CCDC171: variants seen among roughly 807,000 people sequenced by gnomAD.
CCDC171 encodes the protein coiled-coil domain containing 171, also known as coiled-coil domain-containing protein 171.
CCDC171 carries 177 observed loss-of-function variants against 168.2 expected under a neutral mutation model. That is an observed-to-expected ratio of 1.05 (90% confidence interval 0.93 to 1.19). The LOEUF (loss-of-function observed/expected upper bound fraction) is 1.19, where lower values mean the gene tolerates loss of function less well. CCDC171 is among the 50% of genes most tolerant of loss of function. The pLI is 0.00. For synonymous variants in CCDC171, 687 were observed against 540.8 expected (o/e 1.27, Z -3.75); for missense variants, 1,991 against 1,539.0 (o/e 1.29, Z -4.91).
At chr9:15,624,630 A>G (rs2044883462) in intron 7 of CCDC171, among the ~76,000 whole-genome samples, 1 of 152,178 alleles carries the variant, frequency 6.6e-6, no homozygotes, top group Non-Finnish European at 1.5e-5. Flanking sequence ...TGTCCCTACA[A>G]GGGACATAAA....
chr9:15,940,218 T>A (rs926024496), intron 25 of CCDC171, among the ~76,000 whole-genome samples: 1 of 151,994 alleles, frequency 6.6e-6, no homozygotes, highest in African/African-American at 2.4e-5. Context: ...TATTTTGTAT[T>A]TGACCTTTAT....
intron 21 of CCDC171, among the ~76,000 whole-genome samples, chr9:15,793,674 C>T (rs1461781801): frequency 6.7e-6 from 1 of 149,114 alleles, no homozygotes; most frequent in African/African-American, 2.5e-5. Flanking sequence ...CTCAGCGTCC[C>T]AGGTAGCTTG....
intron 23 of CCDC171, among the ~76,000 whole-genome samples, chr9:15,871,016 C>T (rs1227786866): frequency 6.6e-6 from 1 of 150,932 alleles, no homozygotes; most frequent in Non-Finnish European, 1.5e-5. Context: ...TTATTTTCTT[C>T]TCCTGTTTTT....
chr9:16,013,418 G>A (rs1482001238), intron 3 of CCDC171, among the ~76,000 whole-genome samples: 2 of 152,038 alleles, frequency 1.3e-5, no homozygotes, highest in Admixed American at 6.6e-5. Context: ...TTCTTTCCTG[G>A]ATCTCTTCTA....
At chr9:15,592,445 T>G (rs1333331441) in intron 5 of CCDC171, among the ~76,000 whole-genome samples, 1 of 152,200 alleles carries the variant, frequency 6.6e-6, no homozygotes, top group East Asian at 1.9e-4. Flanking sequence ...GAAATGTGTC[T>G]TTACTAAAAT....
At chr9:16,016,640 C>T (rs1178022489) in intron 3 of CCDC171, among the ~76,000 whole-genome samples, 1 of 152,154 alleles carries the variant, frequency 6.6e-6, no homozygotes, top group African/African-American at 2.4e-5. Flanking sequence ...TCCTTCATTA[C>T]ATTAAGAAGC....
At chr9:15,864,338 CT>C (rs1202153633) in intron 23 of CCDC171, among the ~76,000 whole-genome samples, 2 of 151,926 alleles carry the variant, frequency 1.3e-5, no homozygotes, top group Non-Finnish European at 2.9e-5. Context: ...ACTTTAAGTT[CT>C]AGGGTACATG....
chr9:15,776,846 T>C (rs1588434785), intron 18 of CCDC171, among the ~76,000 whole-genome samples: 1 of 152,238 alleles, frequency 6.6e-6, no homozygotes, highest in South Asian at 2.1e-4. Context: ...CTCTTAAAAA[T>C]GTAGAATGTT....
intron 11 of CCDC171, among the ~76,000 whole-genome samples, chr9:15,702,429 C>G (rs1332708712): frequency 6.6e-6 from 1 of 152,064 alleles, no homozygotes; most frequent in Non-Finnish European, 1.5e-5. Flanking sequence ...TCTACTCTCC[C>G]TCTGCTCTAT....
chr9:16,078,561 A>G, the CCDC171 span, among the ~76,000 whole-genome samples: 1 of 152,184 alleles, frequency 6.6e-6, no homozygotes, highest in Non-Finnish European at 1.5e-5. Flanking sequence ...TAGTGATTTG[A>G]TTTGACAGAT....
intron 7 of CCDC171, among the ~76,000 whole-genome samples, chr9:15,646,381 G>T (rs1016829746): frequency 6.6e-6 from 1 of 152,120 alleles, no homozygotes; most frequent in Admixed American, 6.5e-5. Context: ...ATAATGACAG[G>T]ATCAAATTCA....
At chr9:15,872,491 TG>T (rs2062083411) in intron 23 of CCDC171, among the ~76,000 whole-genome samples, 1 of 152,044 alleles carries the variant, frequency 6.6e-6, no homozygotes, top group Non-Finnish European at 1.5e-5. Flanking sequence ...ACATTGCTTA[TG>T]GTTTTTTTCC....
chr9:16,054,654 A>C (rs1833805105), intron 1 of CCDC171, among the ~76,000 whole-genome samples: 1 of 152,236 alleles, frequency 6.6e-6, no homozygotes. Context: ...GGTTCAAAAA[A>C]TATATTTTTT....
chr9:15,835,915 A>C (rs754669043), intron 21 of CCDC171, among the ~76,000 whole-genome samples: 1 of 152,168 alleles, frequency 6.6e-6, no homozygotes, highest in Non-Finnish European at 1.5e-5. Flanking sequence ...TATGTTTTAC[A>C]GTATGGTACC....
chr9:15,912,777 C>T (rs1196999999), intron 24 of CCDC171, among the ~76,000 whole-genome samples: 1 of 152,154 alleles, frequency 6.6e-6, no homozygotes, highest in Non-Finnish European at 1.5e-5. Flanking sequence ...AAGGCCTTTT[C>T]TGCATCTATT....
chr9:15,677,921 TATATAA>T lies in CCDC171; in HGVS notation c.1077-836_1077-831del, dbSNP rs1272138802. Among the ~76,000 whole-genome samples the T allele has an allele frequency of 5.4e-3, 197 of 36,262 alleles. 16 individuals are homozygous for T. Among genetic ancestry groups the T allele is most frequent in the Middle Eastern group, 0.032 (3 of 94 alleles). 23.8% of individuals were successfully genotyped at this position (36,262 alleles called of 152,430 possible). ...ATATATATATATATATATATATATATATATAAGAGATGTGGTCTCATTCTGTTACCT... is the reference window on the plus strand; with the variant it reads ...ATATATATATATATATATATATATATGAGATGTGGTCTCATTCTGTTACCT... On this transcript the variant is annotated intron_variant, in intron 9 of 25. Coordinates refer to ENST00000380701, the MANE Select transcript of CCDC171 (RefSeq NM_173550.4).
At chr9:15,896,696 GC>G (rs1434830396) in intron 24 of CCDC171, among the ~76,000 whole-genome samples, 2 of 151,952 alleles carry the variant, frequency 1.3e-5, no homozygotes, top group African/African-American at 4.8e-5. Context: ...TCACTAAAAA[GC>G]CCTTCAGTAT....
intron 3 of CCDC171, among the ~76,000 whole-genome samples, chr9:15,992,381 C>T (rs1023538943): frequency 1.3e-5 from 2 of 152,068 alleles, no homozygotes; most frequent in Non-Finnish European, 2.9e-5. Flanking sequence ...AGGCCTTTGA[C>T]AAAATTCAAC....
At chr9:15,802,044 C>G (rs1588588914) in intron 21 of CCDC171, among the ~76,000 whole-genome samples, 1 of 151,684 alleles carries the variant, frequency 6.6e-6, no homozygotes, top group South Asian at 2.1e-4. Flanking sequence ...GGATTTTTGC[C>G]TCAATATTCA....
Sources: allele counts gnomAD v4.1 joint callset (sites outside exome capture counted in the v4.1 genomes callset), GRCh38; gene constraint gnomAD v4.1.1; transcripts MANE v1.5; gene names NCBI Gene and HGNC (gene_info 2026-07-23, HGNC 2026-07-21).